Variants in ARHGAP27 observed in about 807,000 individuals in gnomAD.
The protein encoded by ARHGAP27 is rho GTPase-activating protein 27.
A neutral mutation model predicts 102.0 loss-of-function variants in ARHGAP27; 53 were observed. That is an observed-to-expected ratio of 0.52 (90% confidence interval 0.42 to 0.65). ARHGAP27 has a LOEUF of 0.65. Among genes scored for constraint, ARHGAP27 ranks in the 30% least tolerant of loss-of-function variants. ARHGAP27 has a pLI of 0.00. For synonymous variants in ARHGAP27, 525 were observed against 542.8 expected (o/e 0.97, Z 0.46); for missense variants, 1,117 against 1,256.2 (o/e 0.89, Z 1.68).
In ARHGAP27 at chr17:45,406,041, G is replaced by T. The variant is rs1331698133; in HGVS notation, c.700C>A (p.Gln234Lys). 3 of 1,533,448 alleles carry T rather than the reference G, an allele frequency of 2.0e-6. No homozygotes were observed. In the Admixed American group the frequency reaches 5.9e-5, roughly 30 times the overall value. 95.0% of individuals were successfully genotyped at this position (1,533,448 alleles called of 1,614,324 possible). The change falls in exon 5 of 20, where the codon CAG becomes AAG. Residue 234 changes from glutamine (Q) to lysine (K), a missense_variant. Around this residue, in one of 3 missense-constraint regions of ARHGAP27, gnomAD observed 610 missense variants for 716.4 expected, o/e 0.85. Transcript: ENST00000685559. ...PEPVYANIER[Q>K]PRATSPGAAA... ...GCGCCCGGTGAAGTGGCCCGGGGCT[G>T]CCTCTCTATGTTCGCGTACACGGGC... is the stretch of plus-strand genomic sequence containing the variant.
chr17:45,402,183 A>C (rs1277957068), intron 12 of ARHGAP27, among the ~76,000 whole-genome samples: 2 of 151,932 alleles, frequency 1.3e-5, no homozygotes, highest in Non-Finnish European at 2.9e-5. Context: ...AGGGAAAGGG[A>C]CCTGGGGAGA....
intron 4 of ARHGAP27, among the ~76,000 whole-genome samples, chr17:45,411,011 T>A (rs1278436148): frequency 6.6e-6 from 1 of 152,006 alleles, no homozygotes; most frequent in Non-Finnish European, 1.5e-5. Flanking sequence ...GCATATGCCC[T>A]CCCACGCCTG....
intron 4 of ARHGAP27, among the ~76,000 whole-genome samples, chr17:45,416,904 C>A (rs754928728): frequency 2.0e-5 from 3 of 150,348 alleles, no homozygotes; most frequent in Non-Finnish European, 4.4e-5. Flanking sequence ...CCTGTAATCC[C>A]AGTATTTTGG....
intron 4 of ARHGAP27, chr17:45,408,210 A>G (rs1412736984): frequency 6.6e-6 from 1 of 152,172 alleles, no homozygotes; most frequent in African/African-American, 2.4e-5. Context: ...AAAGAAGAAC[A>G]TTTGTTTACC....
At position 45,395,619 on chromosome 17, in the gene ARHGAP27, C is replaced by T. The variant is rs1295909846; in HGVS notation, c.2507G>A (p.Gly836Asp). 1 of 1,606,176 alleles carries T rather than the reference C, an allele frequency of 6.2e-7. No homozygotes were observed. Among genetic ancestry groups the T allele is most frequent in the Non-Finnish European group, 8.5e-7 (1 of 1,176,684 alleles). Residue 836 changes from glycine (G) to aspartate (D), a missense_variant, in exon 20 of 20, where the codon GGC becomes GAC. This residue lies in a region of ARHGAP27 where 493 missense variants were observed against 505.5 expected (regional missense o/e 0.98). Coordinates refer to ENST00000685559, the MANE Select transcript of ARHGAP27 (RefSeq NM_001282290.2). ...CTGCACCGACATGCGGTTCTGCTCG[C>T]CGTGCTCGATCACCCTGTGGCAGGG... ...FQHLCRVIEH[G>D]EQNRMSVQSV...
intron 4 of ARHGAP27, among the ~76,000 whole-genome samples, chr17:45,426,589 G>A (rs942985242): frequency 3.3e-5 from 5 of 150,540 alleles, no homozygotes; most frequent in African/African-American, 9.8e-5. Context: ...CCCGTGCCAT[G>A]CCATCCCCAC....
intron 12 of ARHGAP27, among the ~76,000 whole-genome samples, chr17:45,399,536 G>A (rs1046969911): frequency 6.9e-6 from 1 of 144,924 alleles, no homozygotes; most frequent in African/African-American, 2.6e-5. Context: ...AGATTGCAGT[G>A]AGCCGAGATC....
In ARHGAP27 at chr17:45,429,839, G is replaced by T; in HGVS notation, c.441C>A (p.Pro147=). ...ACTGCGCGGGCCGCACGGGCGCCGC[G>T]GGCCGCAGGTACAGGCAGGCTGGCA... ...PGLPACLYLR[P]AAPVRPAQSL... is the part of the protein sequence containing the mutation. Residue 147 remains proline, a synonymous_variant, in exon 4 of 20, where the codon CCC becomes CCA. Transcript: ENST00000685559. 7.2e-7 allele frequency: 1 copy of T among 1,397,234 alleles called. No individual in the cohort carries two copies. Among genetic ancestry groups the T allele is most frequent in the South Asian group, 1.4e-5 (1 of 69,290 alleles). The allele number at this position is 1,397,234 out of a possible 1,614,324, so 86.6% of individuals were successfully genotyped here.
At chr17:45,420,144 T>C (rs1053220756) in intron 4 of ARHGAP27, among the ~76,000 whole-genome samples, 10 of 152,208 alleles carry the variant, frequency 6.6e-5, no homozygotes, top group African/African-American at 2.2e-4. Flanking sequence ...CATTATGACA[T>C]TGTTGTAACA....
intron 4 of ARHGAP27, among the ~76,000 whole-genome samples, chr17:45,414,902 CAAAAAAA>C: frequency 1.1e-5 from 1 of 92,940 alleles, no homozygotes; most frequent in African/African-American, 4.5e-5. Context: ...CTAAAAATAC[CAAAAAAA>C]AAAAAAAAAA....
Position 45,405,758 on chromosome 17 carries a change from C to A in ARHGAP27, c.983G>T (p.Trp328Leu). ...GGGCTCGTTCTCGGCCTCGTCCTCCCAGGCCGTCTCGCCCGTCAGCGGGTT... is the reference window on the plus strand; with the variant it reads ...GGGCTCGTTCTCGGCCTCGTCCTCCAAGGCCGTCTCGCCCGTCAGCGGGTT... ...FYNPLTGETA[W>L]EDEAENEPEE... The change falls in exon 5 of 20, where the codon TGG (tryptophan) becomes TTG (leucine). Residue 328 changes from tryptophan to leucine, a missense_variant. Transcript: ENST00000685559. The A allele has an allele frequency of 1.3e-6, 2 of 1,595,486 alleles. No homozygotes were observed. The highest frequency in any genetic ancestry group is 1.7e-6 in the Non-Finnish European group (2 of 1,177,250).
intron 10 of ARHGAP27, 144 bp from the exon 11 acceptor site, chr17:45,403,853 C>G: frequency 1.0e-6 from 1 of 981,606 alleles, no homozygotes; most frequent in Non-Finnish European, 1.5e-6. Flanking sequence ...ACTCTAACAC[C>G]TAGCAGCCGA....
intron 4 of ARHGAP27, among the ~76,000 whole-genome samples, chr17:45,415,473 C>G (rs1374521055): frequency 6.6e-6 from 1 of 152,208 alleles, no homozygotes; most frequent in Non-Finnish European, 1.5e-5. Context: ...GCAGCACAGT[C>G]TCCAGGCTCA....
In ARHGAP27 at chr17:45,395,922, T is replaced by C. The variant is rs1192893073; in HGVS notation, c.2386+61A>G. 7.0e-6 allele frequency: 11 copies of C among 1,564,310 alleles called. No homozygotes were observed. In the East Asian group the frequency reaches 1.2e-4, roughly 17 times the overall value. On this transcript the variant is annotated intron_variant, in intron 18 of 19. Coordinates refer to ENST00000685559, the MANE Select transcript of ARHGAP27 (RefSeq NM_001282290.2). The stretch of plus-strand genomic sequence containing the variant: ...GGGTATCGGCTGGGCGAGGGGAGCC[T>C]GCTAAAGGGGTGCCCCGCCACGCCC...
Position 45,396,623 on chromosome 17 carries a change from C to T in ARHGAP27, c.2075-38G>A, listed in dbSNP as rs770001384. On this transcript the variant is annotated intron_variant, in intron 15 of 19. Coordinates refer to ENST00000685559, the MANE Select transcript of ARHGAP27 (RefSeq NM_001282290.2). ...CTCATCAGCTCCTGCCCAGCCTGCG[C>T]CCCGTCCCGGTCCCGGGTCCCCGCC... 8.1e-6 allele frequency: 13 copies of T among 1,611,550 alleles called. No homozygotes were observed. In the South Asian group the frequency reaches 9.9e-5, roughly 12 times the overall value.
intron 4 of ARHGAP27, among the ~76,000 whole-genome samples, chr17:45,420,875 C>T (rs994308073): frequency 1.0e-4 from 14 of 138,818 alleles, no homozygotes; most frequent in South Asian, 2.4e-4. Flanking sequence ...GGCGTGAACC[C>T]GGGAAGCGGA....
At chr17:45,425,459 A>T in intron 4 of ARHGAP27, 1 of 682,970 alleles carries the variant, frequency 1.5e-6, no homozygotes, top group Non-Finnish European at 1.8e-6. Context: ...GCCTGGATCC[A>T]GAGGGGAGGG....
At position 45,404,475 on chromosome 17, in the gene ARHGAP27, G is replaced by T; in HGVS notation, c.1383C>A (p.Thr461=). 6.2e-7 allele frequency: 1 copy of T among 1,613,820 alleles called. No homozygotes were observed. Among genetic ancestry groups the T allele is most frequent in the South Asian group, 1.1e-5 (1 of 91,064 alleles). ...SIHKSSQDGD[T]PAQASPPEEK... ...CCTCTGGAGGGCTGGCCTGGGCTGGGGTGTCACCATCCTGGCTGGATTTAT... is the reference window on the plus strand; with the variant it reads ...CCTCTGGAGGGCTGGCCTGGGCTGGTGTGTCACCATCCTGGCTGGATTTAT... The change falls in exon 8 of 20, where the codon ACC becomes ACA. Residue 461 remains threonine, a synonymous_variant. Coordinates refer to ENST00000685559, the MANE Select transcript of ARHGAP27 (RefSeq NM_001282290.2).
At chr17:45,410,578 A>G (rs977354303) in intron 4 of ARHGAP27, among the ~76,000 whole-genome samples, 1 of 152,210 alleles carries the variant, frequency 6.6e-6, no homozygotes, top group African/African-American at 2.4e-5. Flanking sequence ...AGGCCCAGAC[A>G]TAGCCATGGT....
Sources: gnomAD v4.1 joint callset for allele counts (sites outside exome capture counted in the v4.1 genomes callset) on GRCh38, gnomAD v4.1.1 for gene constraint, gnomAD v4.1.1 regional missense constraint, MANE v1.5 for transcripts, NCBI Gene and HGNC (gene_info 2026-07-23, HGNC 2026-07-21) for gene names.